TNRC6C: variants seen among roughly 807,000 people sequenced by gnomAD.
TNRC6C encodes trinucleotide repeat containing adaptor 6C, also known as trinucleotide repeat-containing gene 6C protein.
TNRC6C carries 20 observed loss-of-function variants against 153.7 expected under a neutral mutation model. The ratio of observed to expected loss-of-function variants is 0.13; its 90% confidence interval spans 0.09 to 0.19. The LOEUF is 0.19. Ranked by LOEUF, TNRC6C falls within the 10% of genes least tolerant of loss-of-function variation. TNRC6C has a pLI of 1.00. For missense variants in TNRC6C, 1,987 were observed against 2,172.0 expected (o/e 0.91, Z 1.69); for synonymous variants, 811 against 841.4 (o/e 0.96, Z 0.63).
At chr17:78,068,594 G>C (rs1327462022) in intron 5 of TNRC6C, among the ~76,000 whole-genome samples, 2 of 152,158 alleles carry the variant, frequency 1.3e-5, no homozygotes, top group African/African-American at 4.8e-5. Flanking sequence ...AGGAGTTCAA[G>C]TCCAGCCTGG....
In TNRC6C at chr17:77,963,097, T is replaced by C. The variant is rs181411256; in HGVS notation, c.-38+3829T>C. Among the ~76,000 whole-genome samples, 196 of 152,320 alleles carry C rather than the reference T, an allele frequency of 1.3e-3. 1 individual carries two copies. Among genetic ancestry groups the C allele is most frequent in the African/African-American group, 4.5e-3 (186 of 41,574 alleles). On this transcript the variant is annotated intron_variant, in intron 1 of 22. Transcript: ENST00000636222. Reference sequence around the variant, plus strand: ...GGAGAGCATTCTTTATAAAATGATATACAATAAGCTTTCTTTAAATAGACT... The same window carrying C: ...GGAGAGCATTCTTTATAAAATGATACACAATAAGCTTTCTTTAAATAGACT...
intron 16 of TNRC6C, among the ~76,000 whole-genome samples, chr17:78,094,486 T>G (rs2073449039): frequency 6.6e-6 from 1 of 151,638 alleles, no homozygotes; most frequent in Non-Finnish European, 1.5e-5. Flanking sequence ...TTGCCCAGGC[T>G]GGAGTATAGT....
upstream of TNRC6C, chr17:78,004,401 A>G: frequency 9.7e-7 from 1 of 1,027,442 alleles, no homozygotes; most frequent in Non-Finnish European, 1.2e-6. Flanking sequence ...ATTAGCGAAT[A>G]ATAGATATCC....
intron 1 of TNRC6C, among the ~76,000 whole-genome samples, chr17:77,984,955 T>C (rs1346600927): frequency 6.6e-6 from 1 of 152,234 alleles, no homozygotes. Context: ...CACCTTTTAC[T>C]AGTTAACACA....
At chr17:77,985,065 G>A (rs751260011) in intron 1 of TNRC6C, among the ~76,000 whole-genome samples, 3 of 152,032 alleles carry the variant, frequency 2.0e-5, no homozygotes, top group Admixed American at 6.5e-5. Context: ...AATCTTTAAC[G>A]TTGCTGTCTA....
chr17:78,086,242 A>G lies in TNRC6C; in HGVS notation c.3478-261A>G, dbSNP rs1208599913. Among the ~76,000 whole-genome samples, 4 of 146,744 alleles carry G rather than the reference A, an allele frequency of 2.7e-5. No homozygotes were observed. The Admixed American group carries it at 2.8e-4, about 10-fold the overall frequency. Reference sequence around the variant, plus strand: ...CTACTCGGGAGGCTGAGGCAGGAGAATTGCTTGAACCCGGGAGGCAGAGGT... The same window carrying G: ...CTACTCGGGAGGCTGAGGCAGGAGAGTTGCTTGAACCCGGGAGGCAGAGGT... On this transcript the variant is annotated intron_variant, in intron 11 of 19. Coordinates refer to ENST00000301624, the Ensembl canonical transcript of TNRC6C.
chr17:78,026,107 A>G (rs1000159381), intron 1 of TNRC6C, among the ~76,000 whole-genome samples: 1 of 152,212 alleles, frequency 6.6e-6, no homozygotes, highest in African/African-American at 2.4e-5. Flanking sequence ...TATTTCATCA[A>G]CTAATTTTTT....
At chr17:77,961,262 T>C (rs1320562144) in intron 1 of TNRC6C, among the ~76,000 whole-genome samples, 1 of 152,058 alleles carries the variant, frequency 6.6e-6, no homozygotes. Context: ...TTCAAGCGAT[T>C]CTCTTGCCTC....
At chr17:78,025,964 AG>A in intron 1 of TNRC6C, among the ~76,000 whole-genome samples, 1 of 152,318 alleles carries the variant, frequency 6.6e-6, no homozygotes, top group Non-Finnish European at 1.5e-5. Flanking sequence ...TTAGAGTGTC[AG>A]CTAGTCTAAA....
intron 5 of TNRC6C, 97 bp from the exon 8 acceptor site, chr17:78,070,988 T>C: frequency 8.1e-7 from 1 of 1,230,218 alleles, no homozygotes; most frequent in South Asian, 1.3e-5. Flanking sequence ...ATCCTGTGAC[T>C]TTTAAATGAC....
chr17:78,107,255 GGTTTTTTGTTTGTTT>G (rs2073715697), exon 20 of TNRC6C: 1 of 151,916 alleles, frequency 6.6e-6, no homozygotes, highest in Non-Finnish European at 1.5e-5. Context: ...GGGTTTGAGG[GGTTTTTTGTTTGTTT>G]GTTTTTTGTT....
chr17:78,013,401 C>T (rs1313513945), intron 1 of TNRC6C, among the ~76,000 whole-genome samples: 2 of 152,070 alleles, frequency 1.3e-5, no homozygotes, highest in African/African-American at 2.4e-5. Context: ...AGCTAAGTGG[C>T]GGGGGTAGAC....
upstream of TNRC6C, among the ~76,000 whole-genome samples, chr17:77,958,915 G>A (rs1001397360): frequency 6.8e-6 from 1 of 146,442 alleles, no homozygotes; most frequent in African/African-American, 2.5e-5. Flanking sequence ...GGAGGGAGCG[G>A]AGCGGCCCCG....
exon 20 of TNRC6C, chr17:78,106,781 A>G (rs1409276558): frequency 6.6e-6 from 1 of 151,852 alleles, no homozygotes; most frequent in East Asian, 1.9e-4. Context: ...GTTTTAAAAA[A>G]TATATATATG....
In TNRC6C at chr17:77,985,601, C is replaced by CAAAAAAAAAAAAAAAAAA. The variant is rs1229331703; in HGVS notation, c.-37-18554_-37-18553insAAAAAAAAAAAAAAAAAA. Among the ~76,000 whole-genome samples the CAAAAAAAAAAAAAAAAAA allele has an allele frequency of 2.1e-3, 201 of 96,120 alleles. 6 individuals are homozygous for CAAAAAAAAAAAAAAAAAA. The highest frequency in any genetic ancestry group is 8.0e-3 in the African/African-American group (190 of 23,686). The allele number at this position is 96,120 out of a possible 152,430, so 63.1% of individuals were successfully genotyped here. Reference sequence around the variant, plus strand: ...TGGGCAACAGAGCGAGACTCCGTCTCAAAAAAAAAAAAAAACCAGCAACTG... The same window carrying CAAAAAAAAAAAAAAAAAA: ...TGGGCAACAGAGCGAGACTCCGTCTCAAAAAAAAAAAAAAAAAAAAAAAAAAAAAAAAACCAGCAACTG... On this transcript the variant is annotated intron_variant, in intron 1 of 22. Coordinates refer to the TNRC6C transcript ENST00000636222.
At position 78,091,236 on chromosome 17, in the gene TNRC6C, G is replaced by C. The variant is rs1306293592; in HGVS notation, c.3803-204G>C. 5 of 423,864 alleles carry C rather than the reference G, an allele frequency of 1.2e-5. No homozygotes were observed. In the East Asian group the frequency reaches 2.0e-4, roughly 17 times the overall value. 26.3% of individuals were successfully genotyped at this position (423,864 alleles called of 1,614,324 possible). Reference sequence around the variant, plus strand: ...AGCTACTTGGGAGGCTGAGGCAGGAGAATCGCTTGAACCTGGGAGGCGGAG... The same window carrying C: ...AGCTACTTGGGAGGCTGAGGCAGGACAATCGCTTGAACCTGGGAGGCGGAG... On this transcript the variant is annotated intron_variant, in intron 13 of 19. Coordinates refer to ENST00000301624, the Ensembl canonical transcript of TNRC6C.
At chr17:78,068,822 G>A (rs984237572) in intron 5 of TNRC6C, among the ~76,000 whole-genome samples, 2 of 152,082 alleles carry the variant, frequency 1.3e-5, no homozygotes, top group South Asian at 2.1e-4. Context: ...ACAAATGTGC[G>A]GTCATCTAGA....
At chr17:78,017,850 T>A (rs964158884) in intron 1 of TNRC6C, among the ~76,000 whole-genome samples, 1 of 152,174 alleles carries the variant, frequency 6.6e-6, no homozygotes, top group Non-Finnish European at 1.5e-5. Context: ...AGTTTGTAGG[T>A]ACGAGGTGCG....
intron 10 of TNRC6C, among the ~76,000 whole-genome samples, chr17:78,082,195 C>T (rs968291340): frequency 1.3e-5 from 2 of 149,520 alleles, no homozygotes; most frequent in African/African-American, 4.9e-5. Context: ...TCCGGGGGGT[C>T]ACCGCCTTCT....
Sources: allele counts gnomAD v4.1 joint callset (sites outside exome capture counted in the v4.1 genomes callset), GRCh38; gene constraint gnomAD v4.1.1; transcripts MANE v1.5; gene names NCBI Gene and HGNC (gene_info 2026-07-23, HGNC 2026-07-21).